Variants in CAST observed in about 807,000 individuals in gnomAD.
The protein encoded by CAST is MIR583 host.
CAST carries 76 observed loss-of-function variants against 119.6 expected under a neutral mutation model. The observed-to-expected ratio is 0.64, with a 90% confidence interval of 0.53 to 0.77. CAST has a LOEUF of 0.77. Among genes scored for constraint, CAST ranks in the 30% least tolerant of loss-of-function variants. The pLI is 0.00. For missense variants in CAST, 953 were observed against 946.5 expected (o/e 1.01, Z -0.09); for synonymous variants, 319 against 331.6 (o/e 0.96, Z 0.41).
At chr5:96,392,686 T>G in the CAST span, 1 of 263,954 alleles carries the variant, frequency 3.8e-6, no homozygotes, top group Non-Finnish European at 7.1e-6. Flanking sequence ...TTTTGAGAAT[T>G]GAAATGGGCT....
chr5:96,726,597 G>A (rs921320529), intron 4 of CAST, among the ~76,000 whole-genome samples, 197 bp from the exon 5 acceptor site: 1 of 152,158 alleles, frequency 6.6e-6, no homozygotes, highest in African/African-American at 2.4e-5. Flanking sequence ...CTGAAAAAAT[G>A]TAAACACAAA....
In CAST at chr5:96,773,310, G is replaced by A. The variant is rs1033006079; in HGVS notation, c.*694G>A. 1.3e-5 allele frequency: 2 copies of A among 153,540 alleles called. No homozygotes were observed. The highest frequency in any genetic ancestry group is 2.9e-5 in the Non-Finnish European group (2 of 68,016). 9.5% of individuals were successfully genotyped at this position (153,540 alleles called of 1,614,324 possible). ...TCTTACAGTCAGCACAGAACACACTGAGACTTGAATCAAGTCAGCAACAGA... is the reference window on the plus strand; with the variant it reads ...TCTTACAGTCAGCACAGAACACACTAAGACTTGAATCAAGTCAGCAACAGA... On this transcript the variant is annotated 3_prime_UTR_variant, in exon 32 of 32. Coordinates refer to ENST00000675179, the MANE Select transcript of CAST (RefSeq NM_001750.7).
At chr5:96,396,316 T>G in the CAST span, among the ~76,000 whole-genome samples, 4 of 152,206 alleles carry the variant, frequency 2.6e-5, no homozygotes, top group African/African-American at 9.6e-5. Flanking sequence ...ATCCCACCAC[T>G]TTGGGAGGCC....
the CAST span, among the ~76,000 whole-genome samples, chr5:96,504,548 G>A: frequency 2.7e-5 from 4 of 148,512 alleles, no homozygotes; most frequent in Admixed American, 6.7e-5. Flanking sequence ...TTAACCTAAC[G>A]TGTTTTTTTG....
chr5:96,259,229 A>G, the CAST span, among the ~76,000 whole-genome samples: 42 of 152,302 alleles, frequency 2.8e-4, no homozygotes, highest in Admixed American at 2.4e-3. Context: ...TTTTACTAAG[A>G]ACCAGTTAGA....
the CAST span, among the ~76,000 whole-genome samples, chr5:96,257,025 C>T: frequency 6.0e-5 from 9 of 150,632 alleles, no homozygotes; most frequent in Non-Finnish European, 8.8e-5. Context: ...GCCCAGATGG[C>T]GCTGTGATTC....
intron 1 of CAST, among the ~76,000 whole-genome samples, chr5:96,603,500 C>T: frequency 6.6e-6 from 1 of 152,176 alleles, no homozygotes; most frequent in East Asian, 1.9e-4. Context: ...TCACTGTCTT[C>T]TACCTCCACA....
the CAST span, among the ~76,000 whole-genome samples, chr5:96,150,776 C>A: frequency 2.0e-5 from 3 of 152,188 alleles, no homozygotes; most frequent in Admixed American, 6.5e-5. Flanking sequence ...GGGACCAACC[C>A]GAAAGACTAT....
chr5:96,514,793 C>T, the CAST span, among the ~76,000 whole-genome samples: 3 of 152,056 alleles, frequency 2.0e-5, no homozygotes, highest in Admixed American at 6.6e-5. Context: ...TTGCCCAGGC[C>T]CAGGCTGGAG....
At chr5:96,670,179 C>G (rs1749879983) in intron 1 of CAST, among the ~76,000 whole-genome samples, 1 of 152,052 alleles carries the variant, frequency 6.6e-6, no homozygotes, top group Non-Finnish European at 1.5e-5. Context: ...CCTGGACATG[C>G]AAATACTATC....
chr5:96,615,129 T>TGAATA (rs1747428921), intron 1 of CAST, among the ~76,000 whole-genome samples: 1 of 152,242 alleles, frequency 6.6e-6, no homozygotes, highest in South Asian at 2.1e-4. Context: ...CATGAGATAT[T>TGAATA]CAGCACTTTA....
chr5:96,333,713 G>A, the CAST span, among the ~76,000 whole-genome samples: 1 of 152,174 alleles, frequency 6.6e-6, no homozygotes, highest in African/African-American at 2.4e-5. Flanking sequence ...ACTGGTGGGC[G>A]AGGGGTGTAC....
chr5:96,741,617 A>G (rs1762694010), intron 15 of CAST, 37 bp downstream of exon 15: 2 of 1,410,534 alleles, frequency 1.4e-6, no homozygotes, highest in African/African-American at 2.8e-5. Context: ...GTTGCTTTCC[A>G]GAGCCTGATC....
intron 1 of CAST, among the ~76,000 whole-genome samples, chr5:96,573,509 C>T (rs1302995654): frequency 1.3e-5 from 2 of 152,050 alleles, no homozygotes; most frequent in Non-Finnish European, 2.9e-5. Context: ...TGTGATCGTG[C>T]ATGCCTGTAG....
At chr5:96,083,820 T>A in the CAST span, among the ~76,000 whole-genome samples, 1 of 152,310 alleles carries the variant, frequency 6.6e-6, no homozygotes, top group South Asian at 2.1e-4. Context: ...TCCCTTTAAT[T>A]GCCCACGCAA....
At chr5:96,162,606 C>T in the CAST span, among the ~76,000 whole-genome samples, 7 of 151,938 alleles carry the variant, frequency 4.6e-5, no homozygotes, top group African/African-American at 9.7e-5. Flanking sequence ...TTAGTAGAGA[C>T]GCTGTTTCAC....
At position 96,725,876 on chromosome 5, in the gene CAST, G is replaced by A. The variant is rs1372319534; in HGVS notation, c.271-918G>A. Reference sequence around the variant, plus strand: ...AGAAACTCATTAATGAGAATGTAGTGTGAAAGGATCCAAAATTTAAAATTT... The same window carrying A: ...AGAAACTCATTAATGAGAATGTAGTATGAAAGGATCCAAAATTTAAAATTT... On this transcript the variant is annotated intron_variant, in intron 4 of 31. Transcript: ENST00000675179. 4.6e-5 allele frequency among the ~76,000 whole-genome samples: 7 copies of A among 152,118 alleles called. 1 individual carries two copies. In the East Asian group the frequency reaches 1.3e-3, roughly 29 times the overall value.
the CAST span, among the ~76,000 whole-genome samples, chr5:96,479,308 A>C: frequency 2.0e-5 from 3 of 152,184 alleles, no homozygotes; most frequent in Non-Finnish European, 4.4e-5. Context: ...CAACTTTTTG[A>C]CACTAGCTCA....
chr5:96,017,686 G>A, the CAST span, among the ~76,000 whole-genome samples: 26 of 152,244 alleles, frequency 1.7e-4, 1 homozygote, highest in South Asian at 4.8e-3. Context: ...TGTAAAGACT[G>A]AGGAAATGAG....
Sources: allele counts gnomAD v4.1 joint callset (sites outside exome capture counted in the v4.1 genomes callset), GRCh38; gene constraint gnomAD v4.1.1; transcripts MANE v1.5; gene names NCBI Gene and HGNC (gene_info 2026-07-23, HGNC 2026-07-21).